TTLL5: variants seen among roughly 807,000 people sequenced by gnomAD.
TTLL5 encodes the protein tubulin polyglutamylase TTLL5.
A neutral mutation model predicts 168.4 loss-of-function variants in TTLL5; 132 were observed. The observed-to-expected ratio is 0.78, with a 90% confidence interval of 0.68 to 0.91. The LOEUF is 0.91. Among genes scored for constraint, TTLL5 ranks in the 40% least tolerant of loss-of-function variants. TTLL5 has a pLI of 0.00. For synonymous variants in TTLL5, 546 were observed against 558.6 expected (o/e 0.98, Z 0.32); for missense variants, 1,545 against 1,581.5 (o/e 0.98, Z 0.39).
chr14:75,762,359 C>T (rs1399940355), intron 18 of TTLL5, among the ~76,000 whole-genome samples: 1 of 152,166 alleles, frequency 6.6e-6, no homozygotes, highest in Admixed American at 6.6e-5. Flanking sequence ...GGCGCCACTG[C>T]ACTCCAGCCT....
At position 75,821,771 on chromosome 14, in the gene TTLL5, C is replaced by T. The variant is rs1402989073; in HGVS notation, c.3326+1610C>T. ...GGCCTTCTCCCAGCCAGACTGCCCA[C>T]GAGGCTGCGATAATGCTCATGGTGC... is the stretch of plus-strand genomic sequence containing the variant. On this transcript the variant is annotated intron_variant, in intron 28 of 31. Transcript: ENST00000298832. 2.6e-5 allele frequency among the ~76,000 whole-genome samples: 4 copies of T among 152,248 alleles called. No homozygotes were observed. In the East Asian group the frequency reaches 5.8e-4, roughly 22 times the overall value.
intron 3 of TTLL5, among the ~76,000 whole-genome samples, chr14:75,671,554 ATTTCT>A (rs1230072079): frequency 6.6e-6 from 1 of 151,780 alleles, no homozygotes; most frequent in Non-Finnish European, 1.5e-5. Context: ...GGCTTCTTTA[ATTTCT>A]TTCATCATGG....
chr14:75,886,088 C>A (rs914032385), intron 30 of TTLL5, among the ~76,000 whole-genome samples: 2 of 152,174 alleles, frequency 1.3e-5, no homozygotes, highest in African/African-American at 4.8e-5. Flanking sequence ...AGAGACACAA[C>A]TAATGAGAAG....
In TTLL5 at chr14:75,809,763, C is replaced by CT. The variant is rs537008884; in HGVS notation, c.3172-10243dup. On this transcript the variant is annotated intron_variant, in intron 27 of 31. Coordinates refer to ENST00000298832, the MANE Select transcript of TTLL5 (RefSeq NM_015072.5). ...GCTCTGGTAACCATCATTCTATTCT[C>CT]TATCTCCATGAAATCCACTCTTTTA... Among the ~76,000 whole-genome samples the CT allele has an allele frequency of 6.2e-4, 95 of 152,290 alleles. 2 individuals carry two copies. In the Middle Eastern group the frequency reaches 0.02, roughly 33 times the overall value.
chr14:75,816,974 A>ATTTTTTTTTTT (rs35736530), intron 27 of TTLL5, among the ~76,000 whole-genome samples: 5 of 96,086 alleles, frequency 5.2e-5, no homozygotes, highest in Admixed American at 1.4e-4. Context: ...TCCCTGTCTT[A>ATTTTTTTTTTT]TTTTTTTTTT....
chr14:75,756,577 G>A (rs368910896), intron 18 of TTLL5, among the ~76,000 whole-genome samples: 13 of 151,632 alleles, frequency 8.6e-5, no homozygotes, highest in African/African-American at 3.1e-4. Flanking sequence ...GCGCAATCTC[G>A]GCTCACTGCA....
At chr14:75,885,845 G>A (rs2032087588) in intron 30 of TTLL5, among the ~76,000 whole-genome samples, 1 of 152,188 alleles carries the variant, frequency 6.6e-6, no homozygotes, top group Non-Finnish European at 1.5e-5. Flanking sequence ...ATTGATGAAT[G>A]TCAAGCACAA....
At chr14:75,893,998 T>G (rs2032534863) in intron 30 of TTLL5, among the ~76,000 whole-genome samples, 1 of 152,130 alleles carries the variant, frequency 6.6e-6, no homozygotes, top group East Asian at 1.9e-4. Flanking sequence ...TGTCAATAAA[T>G]GTTAATGACT....
chr14:75,683,436 C>A, intron 4 of TTLL5, 114 bp from the exon 5 acceptor site: 1 of 801,146 alleles, frequency 1.2e-6, no homozygotes. Flanking sequence ...TGGGCCACCC[C>A]GGTGAGTACA....
chr14:75,835,482 G>A (rs534266215), intron 28 of TTLL5: 1 of 152,256 alleles, frequency 6.6e-6, no homozygotes, highest in South Asian at 2.1e-4. Flanking sequence ...TTGTCACCAG[G>A]TTGATGTTAT....
chr14:75,686,831 T>C (rs1885094970), intron 5 of TTLL5, among the ~76,000 whole-genome samples: 1 of 152,198 alleles, frequency 6.6e-6, no homozygotes, highest in Admixed American at 6.5e-5. Context: ...GGTGTTTTTT[T>C]CACTATCTGA....
chr14:75,728,600 A>G (rs1888336859), intron 12 of TTLL5, among the ~76,000 whole-genome samples: 1 of 152,184 alleles, frequency 6.6e-6, no homozygotes, highest in African/African-American at 2.4e-5. Flanking sequence ...ATCCTAGTGA[A>G]GATGTCCAAA....
At chr14:75,870,863 C>T (rs904529609) in intron 29 of TTLL5, among the ~76,000 whole-genome samples, 1 of 149,856 alleles carries the variant, frequency 6.7e-6, no homozygotes, top group Non-Finnish European at 1.5e-5. Context: ...GGCTCGATCT[C>T]GGCTCACTGC....
intron 28 of TTLL5, among the ~76,000 whole-genome samples, chr14:75,828,448 TCTAG>T: frequency 6.6e-6 from 1 of 152,362 alleles, no homozygotes; most frequent in South Asian, 2.1e-4. Context: ...TTTTTTATTC[TCTAG>T]CTTACTTTTT....
intron 28 of TTLL5, among the ~76,000 whole-genome samples, chr14:75,849,608 A>G (rs1896740926): frequency 6.6e-6 from 1 of 152,222 alleles, no homozygotes; most frequent in Admixed American, 6.5e-5. Flanking sequence ...GTAGAAGGGA[A>G]TCATTTAAGC....
intron 12 of TTLL5, among the ~76,000 whole-genome samples, chr14:75,724,955 G>A (rs1888097620): frequency 6.6e-6 from 1 of 152,196 alleles, no homozygotes; most frequent in African/African-American, 2.4e-5. Flanking sequence ...TAAAGATGTT[G>A]CTGCTGACAG....
chr14:75,726,734 G>A (rs1407452610), intron 12 of TTLL5, among the ~76,000 whole-genome samples: 2 of 152,058 alleles, frequency 1.3e-5, no homozygotes. Flanking sequence ...ATAGAATGGG[G>A]GAATAGAAGA....
rs56341210 is a variant in TTLL5 at position 75,689,818 on chromosome 14, G to A, written c.372-374G>A. On this transcript the variant is annotated intron_variant, in intron 5 of 31. Transcript: ENST00000298832. ...CAGAAAACAAATGAATGTTTTCCCA[G>A]GGGCTGGAGGTGATTGGGAGGGTCC... is the stretch of plus-strand genomic sequence containing the variant. The A allele has an allele frequency of 6.6e-3, 1,215 of 182,946 alleles. 7 individuals are homozygous for A. Among genetic ancestry groups the A allele is most frequent in the Non-Finnish European group, 9.9e-3 (884 of 88,954 alleles). 11.3% of individuals were successfully genotyped at this position (182,946 alleles called of 1,614,324 possible). A position where few individuals can be genotyped will look rare whatever the true frequency, so the allele number is the denominator to read the frequency against.
intron 29 of TTLL5, among the ~76,000 whole-genome samples, chr14:75,865,469 C>T (rs544317056): frequency 7.2e-5 from 11 of 152,134 alleles, no homozygotes; most frequent in South Asian, 4.2e-4. Context: ...ACCAAACCCC[C>T]GCAACACGCC....
Sources: gnomAD v4.1 joint callset for allele counts (sites outside exome capture counted in the v4.1 genomes callset) on GRCh38, gnomAD v4.1.1 for gene constraint, MANE v1.5 for transcripts, NCBI Gene and HGNC (gene_info 2026-07-23, HGNC 2026-07-21) for gene names.